SLC44A5: variants seen among roughly 807,000 people sequenced by gnomAD.
SLC44A5 encodes solute carrier family 44 member 5.
In SLC44A5, 57 loss-of-function variants were observed where a neutral mutation model predicts 101.8. The observed-to-expected ratio is 0.56, with a 90% CI of 0.45 to 0.70. The LOEUF (loss-of-function observed/expected upper bound fraction) is 0.70. Among genes scored for constraint, SLC44A5 ranks in the 30% least tolerant of loss-of-function variants. The probability of loss-of-function intolerance (pLI) is 0.00; values close to 1 mark genes in which losing one functional copy is unlikely to be tolerated. For missense variants in SLC44A5, 737 were observed against 853.1 expected (o/e 0.86, Z 1.70); for synonymous variants, 281 against 290.9 (o/e 0.97, Z 0.35).
intron 1 of SLC44A5, among the ~76,000 whole-genome samples, chr1:75,591,644 C>A (rs113361061): frequency 1.3e-5 from 2 of 151,938 alleles, no homozygotes; most frequent in African/African-American, 4.8e-5. Context: ...ACTAGCAAAC[C>A]AAACTCAACA....
intron 1 of SLC44A5, among the ~76,000 whole-genome samples, chr1:75,599,727 C>T (rs1441110062): frequency 1.3e-5 from 2 of 152,020 alleles, no homozygotes; most frequent in South Asian, 4.2e-4. Context: ...TACAAACCAT[C>T]CAAAACAATA....
chr1:75,302,124 T>TTTTTTTA, intron 4 of SLC44A5, among the ~76,000 whole-genome samples: 1 of 140,196 alleles, frequency 7.1e-6, no homozygotes, highest in Non-Finnish European at 1.5e-5. Flanking sequence ...TTTTTTTTTT[T>TTTTTTTA]TTTTTTTTTT....
chr1:75,634,234 C>T, the SLC44A5 span, among the ~76,000 whole-genome samples: 1 of 152,072 alleles, frequency 6.6e-6, no homozygotes, highest in South Asian at 2.1e-4. Flanking sequence ...TGCTGGCCTC[C>T]TCAAATGAGT....
chr1:75,722,461 CGAACTGACAAACTGCGTATGCCACCCAG>C, the SLC44A5 span, among the ~76,000 whole-genome samples: 1 of 152,168 alleles, frequency 6.6e-6, no homozygotes, highest in Non-Finnish European at 1.5e-5. Context: ...AGAACGTTGG[CGAACTGACAAACTGCGTATGCCACCCAG>C]GAGGACTGCT....
At chr1:75,218,406 AC>A (rs1647005788) in intron 17 of SLC44A5, 83 bp downstream of exon 17, 2 of 1,511,212 alleles carry the variant, frequency 1.3e-6, no homozygotes, top group Non-Finnish European at 1.8e-6. Flanking sequence ...GTACCTTGCC[AC>A]TTGAATTAAT....
At chr1:75,711,520 C>G in the SLC44A5 span, among the ~76,000 whole-genome samples, 12 of 152,194 alleles carry the variant, frequency 7.9e-5, no homozygotes, top group Non-Finnish European at 1.0e-4. Flanking sequence ...TTCTGTCAGA[C>G]TGCTTCAGCA....
At chr1:75,684,478 T>G in the SLC44A5 span, among the ~76,000 whole-genome samples, 1 of 152,240 alleles carries the variant, frequency 6.6e-6, no homozygotes, top group South Asian at 2.1e-4. Context: ...AGCAAGTTAG[T>G]TATTTCCTAG....
chr1:75,513,695 A>G (rs1056164897), intron 2 of SLC44A5, among the ~76,000 whole-genome samples: 6 of 152,272 alleles, frequency 3.9e-5, no homozygotes, highest in Non-Finnish European at 8.8e-5. Context: ...AGCTAGAGGT[A>G]GACAAGGAGT....
At chr1:75,273,946 A>T (rs1651706399) in intron 6 of SLC44A5, among the ~76,000 whole-genome samples, 1 of 152,124 alleles carries the variant, frequency 6.6e-6, no homozygotes, top group Non-Finnish European at 1.5e-5. Flanking sequence ...TTTTAGTAGG[A>T]TCGGTACCAA....
chr1:75,641,986 C>A, the SLC44A5 span: 4 of 1,533,046 alleles, frequency 2.6e-6, no homozygotes, highest in Non-Finnish European at 3.6e-6. Context: ...AATCATCTTC[C>A]TCCTCATCAT....
At chr1:75,214,578 A>G (rs974195640) in intron 20 of SLC44A5, 27 bp downstream of exon 20, 1 of 1,589,824 alleles carries the variant, frequency 6.3e-7, no homozygotes, top group Non-Finnish European at 8.6e-7. Flanking sequence ...ACATTGTTAA[A>G]TTACATTGTG....
chr1:75,269,063 A>G (rs1651240365), intron 6 of SLC44A5, among the ~76,000 whole-genome samples: 1 of 152,106 alleles, frequency 6.6e-6, no homozygotes, highest in South Asian at 2.1e-4. Flanking sequence ...GCCAGTAGAA[A>G]ATGAGGCGAT....
chr1:75,233,584 A>G (rs1268855867), intron 12 of SLC44A5, among the ~76,000 whole-genome samples: 1 of 152,220 alleles, frequency 6.6e-6, no homozygotes, highest in Non-Finnish European at 1.5e-5. Flanking sequence ...AAACGTACTA[A>G]GTTGAAAGAG....
chr1:75,378,031 T>C (rs1210797246), intron 3 of SLC44A5, among the ~76,000 whole-genome samples: 1 of 76,134 alleles, frequency 1.3e-5, no homozygotes, highest in Admixed American at 1.3e-4. Flanking sequence ...CCCACAGGTG[T>C]GTAGGGGCAA....
At chr1:75,601,099 G>A (rs1447242594) in intron 1 of SLC44A5, among the ~76,000 whole-genome samples, 1 of 152,122 alleles carries the variant, frequency 6.6e-6, no homozygotes, top group Non-Finnish European at 1.5e-5. Flanking sequence ...TGAGTTCCAT[G>A]AGTGACATTG....
At chr1:75,257,531 G>A (rs1462960836) in intron 6 of SLC44A5, among the ~76,000 whole-genome samples, 1 of 152,176 alleles carries the variant, frequency 6.6e-6, no homozygotes, top group Admixed American at 6.5e-5. Context: ...TGGGAACCTA[G>A]AGAGGCTTTC....
chr1:75,341,227 T>C (rs563391749), intron 3 of SLC44A5, among the ~76,000 whole-genome samples: 2 of 152,268 alleles, frequency 1.3e-5, no homozygotes, highest in South Asian at 4.1e-4. Context: ...GGGCCGGACA[T>C]GGGTGGCTCA....
chr1:75,657,678 A>G, the SLC44A5 span, among the ~76,000 whole-genome samples: 1 of 152,170 alleles, frequency 6.6e-6, no homozygotes, highest in Non-Finnish European at 1.5e-5. Flanking sequence ...AGAGACAAAG[A>G]AGGCCACCAT....
chr1:75,349,861 C>T lies in SLC44A5; in HGVS notation c.53-10231G>A, dbSNP rs192225349. The stretch of plus-strand genomic sequence containing the variant: ...TTTTAAACTTTTATAAGTATGCAGG[C>T]TGCAATTTTAAAAGAGTAGAATCAG... On this transcript the variant is annotated intron_variant, in intron 3 of 23. Transcript: ENST00000370859. Among the ~76,000 whole-genome samples the T allele has an allele frequency of 2.4e-4, 36 of 151,922 alleles. 1 individual carries two copies. The highest frequency in any genetic ancestry group is 1.7e-3 in the East Asian group (9 of 5,174).
Sources: allele counts gnomAD v4.1 joint callset (sites outside exome capture counted in the v4.1 genomes callset), GRCh38; gene constraint gnomAD v4.1.1; transcripts MANE v1.5; gene names NCBI Gene and HGNC (gene_info 2026-07-23, HGNC 2026-07-21).